NETO2: variants seen among roughly 807,000 people sequenced by gnomAD.
The protein encoded by NETO2 is neuropilin and tolloid-like protein 2.
Under a neutral mutation model 62.5 loss-of-function variants are expected in NETO2, and 28 were observed. That is an observed-to-expected ratio of 0.45 (90% CI 0.33 to 0.61). The LOEUF is 0.61. Ranked by LOEUF, NETO2 falls within the 20% of genes least tolerant of loss-of-function variation. The pLI is 0.02. For synonymous variants in NETO2, 214 were observed against 219.1 expected (o/e 0.98, Z 0.21); for missense variants, 548 against 643.2 (o/e 0.85, Z 1.60).
intron 1 of NETO2, among the ~76,000 whole-genome samples, chr16:47,137,544 T>A (rs1205404671): frequency 6.6e-6 from 1 of 152,152 alleles, no homozygotes; most frequent in Non-Finnish European, 1.5e-5. Flanking sequence ...GAACTTGAGG[T>A]GAAGGCTCTA....
chr16:47,121,071 T>G (rs1159390969), intron 6 of NETO2, among the ~76,000 whole-genome samples: 1 of 152,202 alleles, frequency 6.6e-6, no homozygotes. Context: ...CGATACACTC[T>G]GGGTAATTTC....
At chr16:47,089,071 T>C (rs1963257253) in intron 7 of NETO2, among the ~76,000 whole-genome samples, 1 of 152,232 alleles carries the variant, frequency 6.6e-6, no homozygotes, top group African/African-American at 2.4e-5. Context: ...CTAGGGTTCA[T>C]TTATCCCTTC....
intron 6 of NETO2, among the ~76,000 whole-genome samples, chr16:47,115,469 A>G (rs895032890): frequency 6.6e-6 from 1 of 151,616 alleles, no homozygotes; most frequent in Non-Finnish European, 1.5e-5. Flanking sequence ...AATATTTTAA[A>G]TGGTACTGTT....
intron 7 of NETO2, among the ~76,000 whole-genome samples, chr16:47,092,072 G>C (rs1963324921): frequency 1.4e-5 from 2 of 147,848 alleles, no homozygotes; most frequent in Admixed American, 1.4e-4. Context: ...ATGTTGCCCA[G>C]GCTGGTCTCA....
At chr16:47,119,951 T>C (rs1964003993) in intron 6 of NETO2, among the ~76,000 whole-genome samples, 1 of 152,216 alleles carries the variant, frequency 6.6e-6, no homozygotes, top group Admixed American at 6.5e-5. Flanking sequence ...AGAGAATGCC[T>C]ATTTTCTGGA....
At chr16:47,119,630 T>C (rs1963998122) in intron 6 of NETO2, among the ~76,000 whole-genome samples, 1 of 152,158 alleles carries the variant, frequency 6.6e-6, no homozygotes, top group Non-Finnish European at 1.5e-5. Context: ...TTCTTGAGTC[T>C]TAACTTATTA....
At chr16:47,126,871 T>A (rs1964168174) in intron 4 of NETO2, among the ~76,000 whole-genome samples, 1 of 152,168 alleles carries the variant, frequency 6.6e-6, no homozygotes, top group East Asian at 1.9e-4. Context: ...AGAAAAAAAT[T>A]TTTAAAAAGA....
intron 7 of NETO2, among the ~76,000 whole-genome samples, chr16:47,103,018 T>C (rs953027166): frequency 9.9e-5 from 15 of 152,130 alleles, no homozygotes; most frequent in Admixed American, 3.3e-4. Context: ...CTATTCATAA[T>C]AGCAAAGACT....
In NETO2 at chr16:47,078,352, C is replaced by CT. The variant is rs1963011785; in HGVS notation, c.*4868dup. ...TAATTCTAGTTCAAGAGTCAAAATTCTTTTCTATAAAATGCCAAATCTAGG... is the reference window on the plus strand; with the variant it reads ...TAATTCTAGTTCAAGAGTCAAAATTCTTTTTCTATAAAATGCCAAATCTAGG... On this transcript the variant is annotated 3_prime_UTR_variant, in exon 9 of 9. Coordinates refer to ENST00000562435, the MANE Select transcript of NETO2 (RefSeq NM_018092.5). 6.6e-6 allele frequency: 1 copy of CT among 152,116 alleles called. No homozygotes were observed. Among genetic ancestry groups the CT allele is most frequent in the South Asian group, 2.1e-4 (1 of 4,828 alleles). The allele number at this position is 152,116 out of a possible 1,614,324, so 9.4% of individuals were successfully genotyped here.
At chr16:47,105,570 CA>C (rs1243495404) in intron 7 of NETO2, among the ~76,000 whole-genome samples, 4 of 151,880 alleles carry the variant, frequency 2.6e-5, no homozygotes, top group Non-Finnish European at 5.9e-5. Context: ...AAACAGAGTG[CA>C]AAAAAGTCTG....
At chr16:47,116,562 C>T (rs142880537) in intron 6 of NETO2, among the ~76,000 whole-genome samples, 2 of 152,116 alleles carry the variant, frequency 1.3e-5, no homozygotes, top group East Asian at 3.9e-4. Context: ...ATTTTCTTGA[C>T]GAATACTGAT....
At chr16:47,129,083 A>C in intron 3 of NETO2, 141 bp downstream of exon 3, 1 of 803,148 alleles carries the variant, frequency 1.2e-6, no homozygotes, top group Non-Finnish European at 2.0e-6. Flanking sequence ...TTCAATATGC[A>C]GAAATACTTA....
intron 2 of NETO2, among the ~76,000 whole-genome samples, chr16:47,131,327 C>A (rs1964263190): frequency 6.6e-6 from 1 of 152,038 alleles, no homozygotes; most frequent in Admixed American, 6.6e-5. Flanking sequence ...AGCAATACAG[C>A]ATGTTATTTA....
At position 47,083,489 on chromosome 16, in the gene NETO2, T is replaced by A. The variant is rs200834409; in HGVS notation, c.1310A>T (p.Asp437Val). Residue 437 changes from aspartate to valine, a missense_variant, in exon 9 of 9, where the codon GAC (aspartate) becomes GTC (valine). Physicochemically the swap from Asp to Val is radical, Grantham distance 152. Coordinates refer to ENST00000562435, the MANE Select transcript of NETO2 (RefSeq NM_018092.5). ...RSSTASRCIHDHHCGSQASSV... is the reference protein window; with the variant it reads ...RSSTASRCIHVHHCGSQASSV... ...GGAGGCCTGCGACCCACAGTGGTGG[T>A]CGTGGATGCAGCGGGAGGCGGTGGA... 6.2e-7 allele frequency: 1 copy of A among 1,614,214 alleles called. No homozygotes were observed. The highest frequency in any genetic ancestry group is 2.2e-5 in the East Asian group (1 of 44,886).
intron 7 of NETO2, among the ~76,000 whole-genome samples, chr16:47,098,560 C>T (rs1287406018): frequency 6.6e-6 from 1 of 152,136 alleles, no homozygotes; most frequent in Non-Finnish European, 1.5e-5. Flanking sequence ...GACTGGTGTA[C>T]CTGAAAGTGA....
intron 1 of NETO2, among the ~76,000 whole-genome samples, chr16:47,139,243 C>T (rs1483483817): frequency 1.3e-5 from 2 of 152,192 alleles, no homozygotes; most frequent in African/African-American, 4.8e-5. Flanking sequence ...ACCGCAAACA[C>T]ATAGCACAGT....
chr16:47,127,985 G>C (rs1451868438), intron 4 of NETO2, among the ~76,000 whole-genome samples: 1 of 152,016 alleles, frequency 6.6e-6, no homozygotes, highest in East Asian at 1.9e-4. Flanking sequence ...ATTTTTGTGG[G>C]AATTCTGAAA....
At chr16:47,124,611 T>C (rs928178708) in intron 4 of NETO2, among the ~76,000 whole-genome samples, 2 of 152,190 alleles carry the variant, frequency 1.3e-5, no homozygotes, top group African/African-American at 4.8e-5. Flanking sequence ...AGTGATAAAA[T>C]TGTGGACTCC....
chr16:47,129,122 G>C (rs781523494), intron 3 of NETO2, 102 bp downstream of exon 3: 4 of 1,080,378 alleles, frequency 3.7e-6, no homozygotes, highest in Non-Finnish European at 5.5e-6. Context: ...TCAAATACAT[G>C]TTTAAATTTC....
Sources: gnomAD v4.1 joint callset for allele counts (sites outside exome capture counted in the v4.1 genomes callset) on GRCh38, gnomAD v4.1.1 for gene constraint, MANE v1.5 for transcripts, NCBI Gene and HGNC (gene_info 2026-07-23, HGNC 2026-07-21) for gene names.